The following CAMSAP1 variants were observed in gnomAD, a reference collection of about 807,000 sequenced individuals.
CAMSAP1 encodes calmodulin regulated spectrin associated protein 1.
In CAMSAP1, 58 loss-of-function variants were observed where a neutral mutation model predicts 143.5. That is an observed-to-expected ratio of 0.40 (90% CI 0.33 to 0.50). The LOEUF (loss-of-function observed/expected upper bound fraction) is 0.50, where lower values mean the gene tolerates loss of function less well. Among genes scored for constraint, CAMSAP1 ranks in the 20% least tolerant of loss-of-function variants. CAMSAP1 has a pLI of 0.45. For synonymous variants in CAMSAP1, 945 were observed against 859.3 expected (o/e 1.10, Z -1.74); for missense variants, 1,969 against 2,115.7 (o/e 0.93, Z 1.36).
At chr9:135,889,546 A>G (rs1588506790) in intron 1 of CAMSAP1, among the ~76,000 whole-genome samples, 1 of 152,346 alleles carries the variant, frequency 6.6e-6, no homozygotes, top group Non-Finnish European at 1.5e-5. Flanking sequence ...GAGAAGCCCC[A>G]GTGTGGAGAA....
Position 135,811,579 on chromosome 9 carries a change from G to C in CAMSAP1, c.4539C>G (p.Ile1513Met), listed in dbSNP as rs1835052921. Residue 1513 changes from isoleucine to methionine, a missense_variant, in exon 17 of 17, where the codon ATC (isoleucine) becomes ATG (methionine). Around this residue, in one of 4 missense-constraint regions of CAMSAP1, gnomAD observed 143 missense variants for 200.6 expected, o/e 0.71. Coordinates refer to ENST00000389532, the MANE Select transcript of CAMSAP1 (RefSeq NM_015447.4). The surrounding 1 kb of genome is among the most constrained non-coding windows in gnomAD (Gnocchi z 4.9). The part of the protein sequence containing the change: ...ELEKCDANHY[I>M]ILFRDAGCQF... ...GGCAGCCAGCATCACGAAACAGTAT[G>C]ATGTAGTGATTGGCATCACACTTCT... 1.3e-6 allele frequency: 2 copies of C among 1,597,280 alleles called. No individual in the cohort carries two copies. Among genetic ancestry groups the C allele is most frequent in the Non-Finnish European group, 1.7e-6 (2 of 1,171,500 alleles).
At chr9:135,853,360 A>G in intron 5 of CAMSAP1, among the ~76,000 whole-genome samples, 1 of 152,188 alleles carries the variant, frequency 6.6e-6, no homozygotes, top group South Asian at 2.1e-4. Context: ...CAGGCTGGGG[A>G]TCTGTGTGCC....
intron 7 of CAMSAP1, among the ~76,000 whole-genome samples, chr9:135,837,930 TACAG>T (rs1269928873): frequency 2.0e-5 from 3 of 150,208 alleles, no homozygotes; most frequent in African/African-American, 7.4e-5. Context: ...CCACCTGTTC[TACAG>T]ACACACATCA....
intron 1 of CAMSAP1, among the ~76,000 whole-genome samples, chr9:135,899,243 CAT>C (rs1232088545): frequency 3.3e-5 from 5 of 152,010 alleles, no homozygotes; most frequent in South Asian, 2.1e-4. Context: ...ACTCTTAAAA[CAT>C]GTGTGCTTTA....
intron 1 of CAMSAP1, among the ~76,000 whole-genome samples, chr9:135,899,988 G>A (rs1178707040): frequency 6.6e-6 from 1 of 152,090 alleles, no homozygotes; most frequent in Admixed American, 6.6e-5. Flanking sequence ...GATACGAAGG[G>A]CCCCACAGTT....
chr9:135,870,890 TA>T (rs1435855911), intron 3 of CAMSAP1, among the ~76,000 whole-genome samples: 1 of 152,228 alleles, frequency 6.6e-6, no homozygotes, highest in African/African-American at 2.4e-5. Context: ...CTCAATTTCT[TA>T]AAAACATTAA....
chr9:135,855,637 A>G, intron 5 of CAMSAP1, among the ~76,000 whole-genome samples: 1 of 149,430 alleles, frequency 6.7e-6, no homozygotes, highest in South Asian at 2.2e-4. Flanking sequence ...GCTACTTGGG[A>G]GGCTGAGACA....
At chr9:135,864,392 G>T (rs576653008) in intron 4 of CAMSAP1, among the ~76,000 whole-genome samples, 2 of 152,294 alleles carry the variant, frequency 1.3e-5, no homozygotes, top group African/African-American at 4.8e-5. Context: ...TGTGAGCTCT[G>T]CAGCAGAATC....
At chr9:135,897,717 G>A (rs1350453526) in intron 1 of CAMSAP1, among the ~76,000 whole-genome samples, 1 of 152,112 alleles carries the variant, frequency 6.6e-6, no homozygotes, top group African/African-American at 2.4e-5. Flanking sequence ...TATACAGTGT[G>A]GACATGCTGG....
chr9:135,869,421 T>C (rs1243083804), intron 3 of CAMSAP1, among the ~76,000 whole-genome samples: 1 of 151,236 alleles, frequency 6.6e-6, no homozygotes, highest in Non-Finnish European at 1.5e-5. Context: ...GAGAATCACT[T>C]GAACCCAGGA....
At chr9:135,892,727 T>C (rs1838322706) in intron 1 of CAMSAP1, among the ~76,000 whole-genome samples, 1 of 151,078 alleles carries the variant, frequency 6.6e-6, no homozygotes, top group Non-Finnish European at 1.5e-5. Flanking sequence ...GGCATGCGCC[T>C]GTAATCCCAG....
chr9:135,853,968 C>A (rs534620667), intron 5 of CAMSAP1, among the ~76,000 whole-genome samples: 3 of 152,218 alleles, frequency 2.0e-5, no homozygotes, highest in East Asian at 3.8e-4. Context: ...GTTCAATTTG[C>A]GCTAATATTT....
At chr9:135,833,530 T>C (rs1298721071) in intron 7 of CAMSAP1, among the ~76,000 whole-genome samples, 1 of 152,222 alleles carries the variant, frequency 6.6e-6, no homozygotes, top group African/African-American at 2.4e-5. Context: ...TAACTAATCT[T>C]TGACAAAGGT....
intron 1 of CAMSAP1, among the ~76,000 whole-genome samples, chr9:135,897,658 A>G (rs557551587): frequency 3.9e-5 from 6 of 152,268 alleles, no homozygotes; most frequent in African/African-American, 1.4e-4. Context: ...GATGACGTCC[A>G]TGGTGGGATG....
In CAMSAP1 at chr9:135,882,680, C is replaced by T. The variant is rs546579265; in HGVS notation, c.423+136G>A. On this transcript the variant is annotated intron_variant, in intron 2 of 16. Transcript: ENST00000389532. The surrounding 1 kb of genome is among the most constrained non-coding windows in gnomAD (Gnocchi z 4.9). ...AAAAGATATGCAGTTTCCTAAGGAA[C>T]GCCAGTGTGCAAAAGCACGGGTCTC... The T allele has an allele frequency of 1.3e-4, 127 of 959,070 alleles. No individual in the cohort carries two copies. The highest frequency in any genetic ancestry group is 1.7e-4 in the Non-Finnish European group (113 of 661,756). 59.4% of individuals were successfully genotyped at this position (959,070 alleles called of 1,614,324 possible). A position where few individuals can be genotyped will look rare whatever the true frequency, so the allele number is the denominator to read the frequency against.
chr9:135,811,109 C>T lies in CAMSAP1; in HGVS notation c.*200G>A. 2 of 642,986 alleles carry T rather than the reference C, an allele frequency of 3.1e-6. No individual in the cohort carries two copies. Among genetic ancestry groups the T allele is most frequent in the Non-Finnish European group, 5.3e-6 (2 of 379,182 alleles). The allele number at this position is 642,986 out of a possible 1,614,324, so 39.8% of individuals were successfully genotyped here. A position where few individuals can be genotyped will look rare whatever the true frequency, so the allele number is the denominator to read the frequency against. ...CCCCATCCTCACCCTGCCTGGCATC[C>T]TCTGCGTGAGATGAGCGCTGAGAGA... On this transcript the variant is annotated 3_prime_UTR_variant, in exon 17 of 17. Coordinates refer to ENST00000389532, the MANE Select transcript of CAMSAP1 (RefSeq NM_015447.4). The surrounding 1 kb of genome is among the most constrained non-coding windows in gnomAD (Gnocchi z 4.9).
intron 7 of CAMSAP1, among the ~76,000 whole-genome samples, chr9:135,829,646 G>A (rs1348709263): frequency 6.6e-6 from 1 of 152,112 alleles, no homozygotes; most frequent in Non-Finnish European, 1.5e-5. Flanking sequence ...CCGAGGTTGG[G>A]AGTTCAAGAC....
At chr9:135,878,637 C>T (rs1325840493) in intron 3 of CAMSAP1, among the ~76,000 whole-genome samples, 5 of 152,170 alleles carry the variant, frequency 3.3e-5, no homozygotes, top group South Asian at 2.1e-4. Flanking sequence ...GGGCACAGCT[C>T]GAAGCCAGTG....
intron 5 of CAMSAP1, among the ~76,000 whole-genome samples, chr9:135,862,055 A>G (rs374745856): frequency 5.9e-5 from 9 of 152,218 alleles, no homozygotes; most frequent in African/African-American, 2.2e-4. Flanking sequence ...TCAATTGAGG[A>G]AGGATTTACA....
Sources: gnomAD v4.1 joint callset for allele counts (sites outside exome capture counted in the v4.1 genomes callset) on GRCh38, gnomAD v4.1.1 for gene constraint, gnomAD v4.1.1 regional missense constraint, Gnocchi (gnomAD v3.1) non-coding constraint, MANE v1.5 for transcripts, NCBI Gene and HGNC (gene_info 2026-07-23, HGNC 2026-07-21) for gene names.